Variants in SPATA16 observed in about 807,000 individuals in gnomAD.
SPATA16 encodes the protein spermatogenesis associated 16, also known as spermatogenesis-associated protein 16.
A neutral mutation model predicts 63.3 loss-of-function variants in SPATA16; 36 were observed. The observed-to-expected ratio is 0.57, with a 90% CI of 0.44 to 0.75. The LOEUF (loss-of-function observed/expected upper bound fraction) is 0.75, where lower values mean the gene tolerates loss of function less well. Among genes scored for constraint, SPATA16 ranks in the 30% least tolerant of loss-of-function variants. The pLI is 0.00. For synonymous variants in SPATA16, 203 were observed against 216.7 expected, an observed-to-expected ratio of 0.94 and a Z score of 0.56; for missense variants, 646 against 679.3, an observed-to-expected ratio of 0.95 and a Z score of 0.54.
At chr3:172,926,876 AG>A (rs1732748457) in intron 6 of SPATA16, among the ~76,000 whole-genome samples, 2 of 152,208 alleles carry the variant, frequency 1.3e-5, no homozygotes, top group South Asian at 4.1e-4. Context: ...TGATGAACAG[AG>A]AGGTAAGCCC....
At chr3:172,987,385 C>T (rs1475010879) in intron 4 of SPATA16, among the ~76,000 whole-genome samples, 3 of 152,156 alleles carry the variant, frequency 2.0e-5, no homozygotes, top group Non-Finnish European at 4.4e-5. Flanking sequence ...AATTTTCCTA[C>T]CAGTGACCTG....
At chr3:172,968,250 T>G (rs1332418695) in intron 5 of SPATA16, among the ~76,000 whole-genome samples, 3 of 152,340 alleles carry the variant, frequency 2.0e-5, no homozygotes, top group Non-Finnish European at 2.9e-5. Flanking sequence ...ATTAGTGCCC[T>G]CAAATTCTTG....
At chr3:173,093,219 T>C (rs1012312162) in intron 2 of SPATA16, among the ~76,000 whole-genome samples, 4 of 152,134 alleles carry the variant, frequency 2.6e-5, no homozygotes, top group Admixed American at 6.6e-5. Flanking sequence ...TGTTAGAAGA[T>C]AGTAGTTTCT....
chr3:173,086,388 T>G (rs1325359150), intron 2 of SPATA16, among the ~76,000 whole-genome samples: 6 of 152,160 alleles, frequency 3.9e-5, no homozygotes, highest in Non-Finnish European at 8.8e-5. Context: ...TGATATCCCT[T>G]TTATGGTTTT....
At chr3:173,114,041 G>C (rs531046404) in intron 2 of SPATA16, among the ~76,000 whole-genome samples, 25 of 152,152 alleles carry the variant, frequency 1.6e-4, no homozygotes, top group Middle Eastern at 3.4e-3. Context: ...TTAGCCAGGC[G>C]TGGTGGCAGG....
chr3:173,007,583 C>T (rs778760244), intron 4 of SPATA16, among the ~76,000 whole-genome samples: 3 of 152,020 alleles, frequency 2.0e-5, no homozygotes, highest in Non-Finnish European at 4.4e-5. Flanking sequence ...TCAGTTAGTG[C>T]ATTATTTTAA....
intron 2 of SPATA16, among the ~76,000 whole-genome samples, chr3:173,085,946 T>C (rs1342458336): frequency 3.9e-5 from 6 of 152,202 alleles, no homozygotes; most frequent in Admixed American, 3.9e-4. Flanking sequence ...TTTGGATTGA[T>C]GTTCATCAGG....
At chr3:173,024,085 G>T (rs962740824) in intron 3 of SPATA16, among the ~76,000 whole-genome samples, 1 of 151,270 alleles carries the variant, frequency 6.6e-6, no homozygotes, top group Admixed American at 6.6e-5. Flanking sequence ...AACACTACAT[G>T]TATGCACAAT....
At chr3:173,045,256 T>C (rs1161293381) in intron 3 of SPATA16, among the ~76,000 whole-genome samples, 1 of 152,120 alleles carries the variant, frequency 6.6e-6, no homozygotes, top group East Asian at 1.9e-4. Flanking sequence ...TTGGTGAGAC[T>C]GTAGTTTAAC....
At chr3:173,048,613 A>G (rs1736008757) in intron 3 of SPATA16, among the ~76,000 whole-genome samples, 1 of 152,004 alleles carries the variant, frequency 6.6e-6, no homozygotes, top group Non-Finnish European at 1.5e-5. Flanking sequence ...CCATTCCACA[A>G]CTGCAATTTC....
At chr3:173,000,572 G>C (rs1048484115) in intron 4 of SPATA16, among the ~76,000 whole-genome samples, 1 of 152,034 alleles carries the variant, frequency 6.6e-6, no homozygotes, top group Non-Finnish European at 1.5e-5. Context: ...TCTGTAGTTT[G>C]GTGTCTGACA....
chr3:172,954,830 GCA>G (rs1414819591), intron 6 of SPATA16, among the ~76,000 whole-genome samples: 6 of 152,154 alleles, frequency 3.9e-5, no homozygotes, highest in Non-Finnish European at 5.9e-5. Flanking sequence ...TTAACCCAAA[GCA>G]CAGTTTCCAC....
At chr3:172,895,983 A>G (rs1732000844) in intron 10 of SPATA16, among the ~76,000 whole-genome samples, 1 of 149,330 alleles carries the variant, frequency 6.7e-6, no homozygotes. Flanking sequence ...GTAGCTGCAT[A>G]TTTAATTTTT....
intron 2 of SPATA16, among the ~76,000 whole-genome samples, chr3:173,088,087 C>CTTTTTTT (rs543770917): frequency 1.6e-5 from 1 of 62,958 alleles, no homozygotes. Context: ...TCTGTCTTTT[C>CTTTTTTT]TTTTTTTTTT....
intron 3 of SPATA16, among the ~76,000 whole-genome samples, chr3:173,040,451 T>G (rs888259547): frequency 6.6e-6 from 1 of 152,086 alleles, no homozygotes; most frequent in African/African-American, 2.4e-5. Context: ...GTCTCGTGAT[T>G]TAAAAGTTGT....
chr3:173,083,635 C>T (rs889193840), intron 2 of SPATA16, among the ~76,000 whole-genome samples: 8 of 152,092 alleles, frequency 5.3e-5, no homozygotes, highest in Non-Finnish European at 8.8e-5. Context: ...CTGATACTCT[C>T]CTTCCTCCTT....
At chr3:172,976,696 A>G (rs1299112332) in intron 5 of SPATA16, among the ~76,000 whole-genome samples, 1 of 152,154 alleles carries the variant, frequency 6.6e-6, no homozygotes, top group Non-Finnish European at 1.5e-5. Flanking sequence ...ATATTATAGT[A>G]GCACGCCTGG....
At chr3:173,133,408 G>T (rs1228707607) in intron 1 of SPATA16, among the ~76,000 whole-genome samples, 2 of 152,142 alleles carry the variant, frequency 1.3e-5, no homozygotes, top group Non-Finnish European at 1.5e-5. Context: ...CGCACAGTCA[G>T]TGCAGGTATT....
At chr3:173,038,026 G>C (rs576136669) in intron 3 of SPATA16, among the ~76,000 whole-genome samples, 19 of 152,208 alleles carry the variant, frequency 1.2e-4, no homozygotes, top group Non-Finnish European at 2.4e-4. Flanking sequence ...AGTGGTATCT[G>C]TTTGTAAGGT....
Sources: allele counts gnomAD v4.1 joint callset (sites outside exome capture counted in the v4.1 genomes callset), GRCh38; gene constraint gnomAD v4.1.1; transcripts MANE v1.5; gene names NCBI Gene and HGNC (gene_info 2026-07-23, HGNC 2026-07-21).